ALCAM: variants seen among roughly 807,000 people sequenced by gnomAD.
The protein encoded by ALCAM is activated leukocyte cell adhesion molecule.
Under a neutral mutation model 70.9 loss-of-function variants are expected in ALCAM, and 30 were observed. The observed-to-expected ratio is 0.42, with a 90% CI of 0.32 to 0.57. ALCAM has a LOEUF of 0.57. ALCAM is among the 20% of genes least tolerant of loss of function. The pLI is 0.11. For missense variants in ALCAM, 591 were observed against 695.1 expected, an observed-to-expected ratio of 0.85 and a Z score of 1.68; for synonymous variants, 249 against 242.5, an observed-to-expected ratio of 1.03 and a Z score of -0.25.
chr3:105,527,015 A>C (rs528690596), intron 3 of ALCAM, among the ~76,000 whole-genome samples: 60 of 152,294 alleles, frequency 3.9e-4, no homozygotes, highest in African/African-American at 1.3e-3. Flanking sequence ...TGACCTTGCT[A>C]TCTTTAATGC....
At chr3:105,402,334 A>G (rs1310988911) in intron 1 of ALCAM, among the ~76,000 whole-genome samples, 2 of 152,118 alleles carry the variant, frequency 1.3e-5, no homozygotes, top group African/African-American at 2.4e-5. Flanking sequence ...ATTGTGAACC[A>G]TTGCTCCAAG....
chr3:105,436,630 A>T (rs1576162072), intron 1 of ALCAM, among the ~76,000 whole-genome samples: 1 of 152,150 alleles, frequency 6.6e-6, no homozygotes, highest in South Asian at 2.1e-4. Flanking sequence ...TAATTTTTTT[A>T]AATTAATAGT....
intron 14 of ALCAM, among the ~76,000 whole-genome samples, chr3:105,570,233 GA>G (rs1195115596): frequency 6.6e-6 from 1 of 151,878 alleles, no homozygotes; most frequent in Non-Finnish European, 1.5e-5. Context: ...ATAAGGCAAT[GA>G]AAATAACTAT....
chr3:105,401,363 G>A (rs1378715717), intron 1 of ALCAM, among the ~76,000 whole-genome samples: 1 of 152,186 alleles, frequency 6.6e-6, no homozygotes, highest in African/African-American at 2.4e-5. Flanking sequence ...AGTTTCCTTA[G>A]GGGCTGAGAC....
chr3:105,529,058 T>G (rs1939775152), intron 3 of ALCAM, among the ~76,000 whole-genome samples: 1 of 152,104 alleles, frequency 6.6e-6, no homozygotes, highest in Non-Finnish European at 1.5e-5. Flanking sequence ...GAATAAACAC[T>G]GTAAGATATT....
chr3:105,555,768 G>C (rs911912940), intron 14 of ALCAM, among the ~76,000 whole-genome samples: 3 of 151,880 alleles, frequency 2.0e-5, no homozygotes, highest in African/African-American at 7.2e-5. Flanking sequence ...TGGAAAACTG[G>C]AGCAAGAAAG....
At chr3:105,488,938 A>T (rs2152610261) in intron 1 of ALCAM, among the ~76,000 whole-genome samples, 1 of 152,340 alleles carries the variant, frequency 6.6e-6, no homozygotes, top group East Asian at 1.9e-4. Context: ...GGAACTTATG[A>T]TTCATGATAC....
chr3:105,435,899 T>C (rs1020992391), intron 1 of ALCAM, among the ~76,000 whole-genome samples: 33 of 152,146 alleles, frequency 2.2e-4, no homozygotes, highest in African/African-American at 7.5e-4. Flanking sequence ...CACGCCATTC[T>C]CCTGCCTCAG....
chr3:105,546,578 C>T (rs1159489335), intron 9 of ALCAM, among the ~76,000 whole-genome samples: 1 of 151,486 alleles, frequency 6.6e-6, no homozygotes, highest in Non-Finnish European at 1.5e-5. Flanking sequence ...CATTTGAACA[C>T]TCATTGCATG....
intron 1 of ALCAM, among the ~76,000 whole-genome samples, chr3:105,376,279 A>G (rs984480627): frequency 1.3e-5 from 2 of 152,192 alleles, no homozygotes; most frequent in Non-Finnish European, 2.9e-5. Flanking sequence ...AAATGAAACC[A>G]CAGGTTTAAG....
intron 14 of ALCAM, among the ~76,000 whole-genome samples, chr3:105,558,700 C>T (rs984366626): frequency 1.3e-5 from 2 of 152,100 alleles, no homozygotes; most frequent in African/African-American, 4.8e-5. Flanking sequence ...AGGGAAATTA[C>T]ACAGAATGAG....
At chr3:105,468,356 G>A (rs920449024) in intron 1 of ALCAM, among the ~76,000 whole-genome samples, 1 of 151,300 alleles carries the variant, frequency 6.6e-6, no homozygotes, top group Non-Finnish European at 1.5e-5. Context: ...TCAATAGTAA[G>A]GCTGAGATCT....
chr3:105,383,095 A>G (rs951766370), intron 1 of ALCAM, among the ~76,000 whole-genome samples: 2 of 151,760 alleles, frequency 1.3e-5, no homozygotes, highest in Non-Finnish European at 2.9e-5. Context: ...ACACCCTCTC[A>G]ATCACCCTTT....
At chr3:105,368,263 G>GAGAGAGAA (rs1412428456) in intron 1 of ALCAM, among the ~76,000 whole-genome samples, 1 of 143,340 alleles carries the variant, frequency 7.0e-6, no homozygotes, top group African/African-American at 2.5e-5. Flanking sequence ...GAGAGAGAGA[G>GAGAGAGAA]AAAAGGCAAA....
In ALCAM at chr3:105,563,250, A is replaced by G. The variant is rs193102892; in HGVS notation, c.1665-8602A>G. 5.6e-3 allele frequency among the ~76,000 whole-genome samples: 830 copies of G among 147,970 alleles called. 1 individual carries two copies. The highest frequency in any genetic ancestry group is 9.3e-3 in the Non-Finnish European group (625 of 67,302). ...AGAATTTTTTATCCCTTTTATGCCT[A>G]TGGGTTCTATAGTGATAACCCTTTT... On this transcript the variant is annotated intron_variant, in intron 14 of 15. Transcript: ENST00000306107.
intron 1 of ALCAM, among the ~76,000 whole-genome samples, chr3:105,458,403 A>G (rs1392607565): frequency 6.6e-6 from 1 of 152,176 alleles, no homozygotes; most frequent in East Asian, 1.9e-4. Context: ...ACCTGGGCCA[A>G]AGGAGATCCT....
chr3:105,516,830 T>C (rs1321300749), intron 1 of ALCAM, among the ~76,000 whole-genome samples: 1 of 152,096 alleles, frequency 6.6e-6, no homozygotes, highest in Non-Finnish European at 1.5e-5. Context: ...ATTTAGCCTC[T>C]TTCAGGAAGG....
intron 3 of ALCAM, among the ~76,000 whole-genome samples, chr3:105,527,871 C>G (rs896272437): frequency 1.3e-5 from 2 of 151,754 alleles, no homozygotes; most frequent in Non-Finnish European, 2.9e-5. Context: ...TGCTTTCACC[C>G]TCCTCCTAAA....
chr3:105,461,081 G>A (rs375825206), intron 1 of ALCAM, among the ~76,000 whole-genome samples: 129 of 151,494 alleles, frequency 8.5e-4, no homozygotes, highest in African/African-American at 3.1e-3. Flanking sequence ...TAATACAGGG[G>A]TTAAAATCTC....
Sources: allele counts gnomAD v4.1 joint callset (sites outside exome capture counted in the v4.1 genomes callset), GRCh38; gene constraint gnomAD v4.1.1; transcripts MANE v1.5; gene names NCBI Gene and HGNC (gene_info 2026-07-23, HGNC 2026-07-21).